The following PTPRM variants were observed in gnomAD, a reference collection of about 807,000 sequenced individuals.
PTPRM encodes protein tyrosine phosphatase receptor type M, also known as receptor-type tyrosine-protein phosphatase mu.
A neutral mutation model predicts 186.7 loss-of-function variants in PTPRM; 47 were observed. The observed-to-expected ratio is 0.25, with a 90% CI of 0.20 to 0.32. The LOEUF (loss-of-function observed/expected upper bound fraction) is 0.32, where lower values mean the gene tolerates loss of function less well. PTPRM is among the 10% of genes least tolerant of loss of function. The pLI, the probability that PTPRM is intolerant of heterozygous loss-of-function variation, is 1.00. For missense variants in PTPRM, 1,494 were observed against 1,865.0 expected (o/e 0.80, Z 3.66); for synonymous variants, 668 against 674.9 (o/e 0.99, Z 0.16).
At chr18:7,958,256 A>G (rs188157697) in intron 7 of PTPRM, among the ~76,000 whole-genome samples, 1 of 151,946 alleles carries the variant, frequency 6.6e-6, no homozygotes, top group Non-Finnish European at 1.5e-5. Flanking sequence ...TGCATCAGGA[A>G]AGCAAAATGC....
At chr18:7,748,073 C>G (rs2041038966) in intron 1 of PTPRM, among the ~76,000 whole-genome samples, 1 of 152,118 alleles carries the variant, frequency 6.6e-6, no homozygotes, top group Admixed American at 6.5e-5. Context: ...TACGTGGCCC[C>G]CCACCACAAG....
chr18:7,600,837 C>T (rs1007774435), intron 1 of PTPRM, among the ~76,000 whole-genome samples: 2 of 152,244 alleles, frequency 1.3e-5, no homozygotes, highest in Non-Finnish European at 2.9e-5. Context: ...CTCAGTTCCC[C>T]TCTGCTGCAC....
At chr18:8,174,749 A>T (rs1159080649) in intron 14 of PTPRM, among the ~76,000 whole-genome samples, 2 of 152,184 alleles carry the variant, frequency 1.3e-5, no homozygotes, top group African/African-American at 4.8e-5. Flanking sequence ...CATAACCTCC[A>T]TTGCTGCTTT....
intron 31 of PTPRM, among the ~76,000 whole-genome samples, chr18:8,389,241 C>T (rs59280133): frequency 0.052 from 7,929 of 152,182 alleles, 693 homozygotes; most frequent in African/African-American, 0.18. Context: ...GCATCGCTCC[C>T]CCCGGGATTA....
At chr18:8,393,615 GCATAA>G (rs2095829126) in intron 31 of PTPRM, among the ~76,000 whole-genome samples, 1 of 152,208 alleles carries the variant, frequency 6.6e-6, no homozygotes, top group Admixed American at 6.5e-5. Flanking sequence ...TTCTTGGTTT[GCATAA>G]TGCGCTGTGG....
intron 11 of PTPRM, among the ~76,000 whole-genome samples, chr18:8,107,981 T>C (rs1315012145): frequency 6.6e-6 from 1 of 152,164 alleles, no homozygotes. Context: ...TATCAGGTTG[T>C]TTAGAGTATT....
intron 2 of PTPRM, among the ~76,000 whole-genome samples, chr18:7,883,362 T>C (rs777854886): frequency 3.6e-4 from 55 of 152,282 alleles, no homozygotes; most frequent in Non-Finnish European, 6.2e-4. Flanking sequence ...AGGGATAGTT[T>C]AAAAAACAGA....
intron 1 of PTPRM, among the ~76,000 whole-genome samples, chr18:7,669,958 G>A (rs1343057216): frequency 1.3e-5 from 2 of 151,994 alleles, no homozygotes; most frequent in Non-Finnish European, 2.9e-5. Flanking sequence ...TGGCCAGGCT[G>A]GTCTTGAACT....
intron 7 of PTPRM, among the ~76,000 whole-genome samples, chr18:8,043,570 T>TC (rs1163644364): frequency 1.3e-5 from 2 of 152,144 alleles, no homozygotes; most frequent in Non-Finnish European, 2.9e-5. Flanking sequence ...ATTTTTTTTT[T>TC]CACTTCTTTT....
intron 14 of PTPRM, among the ~76,000 whole-genome samples, chr18:8,145,673 T>C (rs2092866924): frequency 6.6e-6 from 1 of 152,248 alleles, no homozygotes; most frequent in Admixed American, 6.5e-5. Context: ...TATGGCTGCA[T>C]AGTATTCCAT....
At chr18:8,172,177 G>A (rs554087476) in intron 14 of PTPRM, among the ~76,000 whole-genome samples, 152 of 152,180 alleles carry the variant, frequency 1.0e-3, no homozygotes, top group Middle Eastern at 3.4e-3. Context: ...TACGTGGCTG[G>A]GGAGGCCTCA....
At chr18:7,717,265 G>A (rs1251312217) in intron 1 of PTPRM, among the ~76,000 whole-genome samples, 2 of 152,020 alleles carry the variant, frequency 1.3e-5, no homozygotes, top group African/African-American at 2.4e-5. Flanking sequence ...TCCTCTGCCC[G>A]TAAAAACCCC....
intron 14 of PTPRM, among the ~76,000 whole-genome samples, chr18:8,176,806 C>T (rs771557091): frequency 5.3e-5 from 8 of 152,168 alleles, no homozygotes; most frequent in Non-Finnish European, 7.3e-5. Flanking sequence ...AAGTCAACCT[C>T]GGCAATAATA....
intron 19 of PTPRM, among the ~76,000 whole-genome samples, chr18:8,259,347 C>CT (rs2094604632): frequency 6.6e-6 from 1 of 152,134 alleles, no homozygotes; most frequent in African/African-American, 2.4e-5. Flanking sequence ...TCAGTTTAAA[C>CT]TGGGGAATTG....
chr18:8,061,554 G>A (rs199547624), intron 7 of PTPRM, among the ~76,000 whole-genome samples: 1,646 of 84,558 alleles, frequency 0.019, 9 homozygotes, highest in Middle Eastern at 0.06. Flanking sequence ...TCCTAGTCTC[G>A]ATGGTCTTTA....
chr18:7,761,693 A>G (rs903938635), intron 1 of PTPRM, among the ~76,000 whole-genome samples: 1 of 152,132 alleles, frequency 6.6e-6, no homozygotes, highest in African/African-American at 2.4e-5. Flanking sequence ...GTGTTCCACA[A>G]GTTGTCTTCC....
At chr18:7,716,411 C>T (rs2040332618) in intron 1 of PTPRM, among the ~76,000 whole-genome samples, 1 of 152,166 alleles carries the variant, frequency 6.6e-6, no homozygotes, top group Non-Finnish European at 1.5e-5. Flanking sequence ...CAGTACCATT[C>T]AGGACAGAGG....
At chr18:8,214,017 C>T (rs189906057) in intron 14 of PTPRM, among the ~76,000 whole-genome samples, 434 of 152,250 alleles carry the variant, frequency 2.9e-3, no homozygotes, top group South Asian at 4.4e-3. Context: ...GAATGGAAAA[C>T]CAAATACCAC....
At chr18:7,901,558 G>A (rs1010303999) in intron 3 of PTPRM, among the ~76,000 whole-genome samples, 1 of 152,054 alleles carries the variant, frequency 6.6e-6, no homozygotes, top group Admixed American at 6.6e-5. Context: ...GTAGAGACGG[G>A]TTTCACCATG....
Sources: gnomAD v4.1 joint callset for allele counts (sites outside exome capture counted in the v4.1 genomes callset) on GRCh38, gnomAD v4.1.1 for gene constraint, MANE v1.5 for transcripts, NCBI Gene and HGNC (gene_info 2026-07-23, HGNC 2026-07-21) for gene names.